Variants in SIDT2 observed in about 807,000 individuals in gnomAD.
The protein encoded by SIDT2 is SID1 transmembrane family member 2.
In SIDT2, 68 loss-of-function variants were observed where a neutral mutation model predicts 114.4. The ratio of observed to expected loss-of-function variants is 0.59; its 90% confidence interval spans 0.49 to 0.73. The LOEUF is 0.73. Ranked by LOEUF, SIDT2 falls within the 30% of genes least tolerant of loss-of-function variation. The pLI is 0.00. For synonymous variants in SIDT2, 470 were observed against 438.4 expected, an observed-to-expected ratio of 1.07 and a Z score of -0.90; for missense variants, 918 against 1,097.1, an observed-to-expected ratio of 0.84 and a Z score of 2.31.
At position 117,188,996 on chromosome 11, in the gene SIDT2, C is replaced by T. The variant is rs2030603414; in HGVS notation, c.1278+170C>T. ...TAACCTGACCTCCAACCCCTTCCGGCCTGATTGGCCAAACCCTCTTGGTCT... is the reference window on the plus strand; with the variant it reads ...TAACCTGACCTCCAACCCCTTCCGGTCTGATTGGCCAAACCCTCTTGGTCT... On this transcript the variant is annotated intron_variant, in intron 13 of 25. Transcript: ENST00000324225. This position sits in a 1 kb window ranked among gnomAD's most constrained non-coding sequence, Gnocchi z 4.0. The T allele has an allele frequency of 1.0e-6, 1 of 954,456 alleles. No homozygotes were observed. Among genetic ancestry groups the T allele is most frequent in the Admixed American group, 1.9e-5 (1 of 52,928 alleles). The allele number at this position is 954,456 out of a possible 1,614,324, so 59.1% of individuals were successfully genotyped here. A position where few individuals can be genotyped will look rare whatever the true frequency, so the allele number is the denominator to read the frequency against.
rs762616736 is a variant in SIDT2, at chr11:117,181,893, A to C, written c.392A>C (p.Tyr131Ser). Residue 131 changes from tyrosine (Y) to serine (S), a missense_variant, in exon 3 of 26, where the codon TAC becomes TCC. Coordinates refer to ENST00000324225, the MANE Select transcript of SIDT2 (RefSeq NM_001040455.2). ...AATGAGTCGGAGATTCAGTTCTTCTACGTGGATGTGTCCACCCTGTCACCA... is the reference window on the plus strand; with the variant it reads ...AATGAGTCGGAGATTCAGTTCTTCTCCGTGGATGTGTCCACCCTGTCACCA... ...TKNESEIQFF[Y>S]VDVSTLSPVN... The C allele has an allele frequency of 2.5e-6, 4 of 1,614,150 alleles. No homozygotes were observed. Among genetic ancestry groups the C allele is most frequent in the Non-Finnish European group, 3.4e-6 (4 of 1,180,024 alleles).
At chr11:117,185,961 GTA>G in intron 8 of SIDT2, 167 bp from the exon 9 acceptor site, 1 of 570,870 alleles carries the variant, frequency 1.8e-6, no homozygotes, top group Non-Finnish European at 3.2e-6. Context: ...AGAGTTTGGT[GTA>G]TTAGAGGAAC....
rs1467640783 is a variant in SIDT2, at chr11:117,187,670, G to C, written c.1130G>C (p.Gly377Ala). The C allele has an allele frequency of 6.2e-7, 1 of 1,613,924 alleles. No individual in the cohort carries two copies. Among genetic ancestry groups the C allele is most frequent in the African/African-American group, 1.3e-5 (1 of 74,874 alleles). Residue 377 changes from glycine to alanine, a missense_variant, in exon 12 of 26, where the codon GGC becomes GCC. This residue lies in a region of SIDT2 where 553 missense variants were observed against 600.1 expected (regional missense o/e 0.92). Coordinates refer to ENST00000324225, the MANE Select transcript of SIDT2 (RefSeq NM_001040455.2). ...ACCGATGGTCTGGTTGACAGCGCTG[G>C]CACTGGGGACCTCTCTTACGGTTAC... ...GSTDGLVDSAGTGDLSYGYQG... is the reference protein window; with the variant it reads ...GSTDGLVDSAATGDLSYGYQG...
At position 117,196,406 on chromosome 11, in the gene SIDT2, C is replaced by A; in HGVS notation, c.*340C>A. On this transcript the variant is annotated 3_prime_UTR_variant, in exon 26 of 26. Transcript: ENST00000324225. The surrounding 1 kb of genome is among the most constrained non-coding windows in gnomAD (Gnocchi z 4.9). Reference sequence around the variant, plus strand: ...AGGAAGGATGGAAGGGACACCCTCCCCATTTCATGCCTTGCATTTTGCCCG... The same window carrying A: ...AGGAAGGATGGAAGGGACACCCTCCACATTTCATGCCTTGCATTTTGCCCG... 6.0e-6 allele frequency: 2 copies of A among 330,584 alleles called. No individual in the cohort carries two copies. The highest frequency in any genetic ancestry group is 3.6e-5 in the South Asian group (1 of 27,446). 20.5% of individuals were successfully genotyped at this position (330,584 alleles called of 1,614,324 possible).
intron 1 of SIDT2, among the ~76,000 whole-genome samples, chr11:117,180,531 C>CTT (rs35242634): frequency 0.014 from 1,147 of 82,348 alleles, 23 homozygotes; most frequent in African/African-American, 0.034. Context: ...ATCACTTTAT[C>CTT]TTTTTTTTTT....
At position 117,196,143 on chromosome 11, in the gene SIDT2, G is replaced by A; in HGVS notation, c.*77G>A. ...CATAGACCGGTCACTCTGTCGTGCT[G>A]TGGGGATGAGTCCCAGCACCGCTGC... On this transcript the variant is annotated 3_prime_UTR_variant, in exon 26 of 26. Transcript: ENST00000324225. This position sits in a 1 kb window ranked among gnomAD's most constrained non-coding sequence, Gnocchi z 4.9. 1.9e-6 allele frequency: 3 copies of A among 1,586,224 alleles called. No individual in the cohort carries two copies. Among genetic ancestry groups the A allele is most frequent in the Non-Finnish European group, 2.6e-6 (3 of 1,160,106 alleles).
intron 4 of SIDT2, 166 bp downstream of exon 4, chr11:117,182,271 A>G (rs754466324): frequency 8.5e-5 from 70 of 821,122 alleles, no homozygotes; most frequent in Non-Finnish European, 1.3e-4. Context: ...GACAGACAGC[A>G]TGGGACTGTA....
chr11:117,181,048 C>T (rs1007997436), intron 1 of SIDT2, among the ~76,000 whole-genome samples: 23 of 152,154 alleles, frequency 1.5e-4, no homozygotes, highest in Non-Finnish European at 1.2e-4. Context: ...CCTGTGTCTT[C>T]GTGTGTGGGG....
At chr11:117,184,776 A>G (rs1179116054) in intron 8 of SIDT2, among the ~76,000 whole-genome samples, 5 of 152,112 alleles carry the variant, frequency 3.3e-5, no homozygotes, top group African/African-American at 1.2e-4. Context: ...CCCAGGCTGT[A>G]ATGCAGTGGC....
Position 117,193,124 on chromosome 11 carries a change from G to T in SIDT2, c.2106-29G>T, listed in dbSNP as rs373805157. On this transcript the variant is annotated intron_variant, in intron 22 of 25. Coordinates refer to ENST00000324225, the MANE Select transcript of SIDT2 (RefSeq NM_001040455.2). ...GCACTTCCTTGCCCTTGGGCTTCCT[G>T]CTTCACCACCCTTCATCCCTCTTGC... 6 of 1,610,528 alleles carry T rather than the reference G, an allele frequency of 3.7e-6. No individual in the cohort carries two copies. In the African/African-American group the frequency reaches 8.0e-5, roughly 22 times the overall value.
intron 2 of SIDT2, 64 bp downstream of exon 2, chr11:117,181,601 A>T: frequency 6.2e-7 from 1 of 1,606,446 alleles, no homozygotes; most frequent in African/African-American, 1.3e-5. Flanking sequence ...TGGAGCCTCA[A>T]CCAGGAGCCC....
At chr11:117,189,066 A>G (rs991969401) in intron 13 of SIDT2, 103 bp from the exon 14 acceptor site, 2 of 1,242,022 alleles carry the variant, frequency 1.6e-6, no homozygotes, top group African/African-American at 3.0e-5. Context: ...GCCCCCCTGA[A>G]TTCGGCCCTG....
chr11:117,191,814 C>T, intron 18 of SIDT2, 64 bp from the exon 19 acceptor site: 1 of 1,586,722 alleles, frequency 6.3e-7, no homozygotes, highest in Non-Finnish European at 8.6e-7. Context: ...TTGTTGGGGC[C>T]AGGAGTTCTC....
At chr11:117,183,722 T>C in intron 6 of SIDT2, 57 bp from the exon 7 acceptor site, 2 of 1,206,332 alleles carry the variant, frequency 1.7e-6, no homozygotes, top group Non-Finnish European at 2.5e-6. Context: ...AACAAGTATT[T>C]AGAAAAGAAT....
rs1031352447 is a variant in SIDT2 at position 117,192,149 on chromosome 11, C to T, written c.1873-105C>T. The T allele has an allele frequency of 3.9e-6, 6 of 1,521,820 alleles. No individual in the cohort carries two copies. In the African/African-American group the frequency reaches 8.2e-5, roughly 21 times the overall value. 94.3% of individuals were successfully genotyped at this position (1,521,820 alleles called of 1,614,324 possible). ...TTCCCTGAGATGCCTTCCTGGGCCC[C>T]TCTCAGAGTCCCAGCCTGGCTGAGC... On this transcript the variant is annotated intron_variant, in intron 19 of 25. Transcript: ENST00000324225. This position sits in a 1 kb window ranked among gnomAD's most constrained non-coding sequence, Gnocchi z 5.9.
Position 117,184,054 on chromosome 11 carries a change from CTT to C in SIDT2, c.803-18_803-17del. ...CAAGCTCCAGGCAACTAGTTTACCACTTTGACATTTTACTTCCAGATGAACCG... is the reference window on the plus strand; with the variant it reads ...CAAGCTCCAGGCAACTAGTTTACCACTGACATTTTACTTCCAGATGAACCG... On this transcript the variant is annotated intron_variant, in intron 7 of 25. Transcript: ENST00000324225. 1 of 1,614,082 alleles carries C rather than the reference CTT, an allele frequency of 6.2e-7. No individual in the cohort carries two copies. The highest frequency in any genetic ancestry group is 8.5e-7 in the Non-Finnish European group (1 of 1,179,980).
At position 117,189,076 on chromosome 11, in the gene SIDT2, G is replaced by A; in HGVS notation, c.1279-93G>A. 8 of 1,338,588 alleles carry A rather than the reference G, an allele frequency of 6.0e-6. No individual in the cohort carries two copies. The South Asian group carries it at 9.4e-5, about 16-fold the overall frequency. The allele number at this position is 1,338,588 out of a possible 1,614,324, so 82.9% of individuals were successfully genotyped here. A position where few individuals can be genotyped will look rare whatever the true frequency, so the allele number is the denominator to read the frequency against. ...ACCCTGCCCCCCTGAATTCGGCCCT[G>A]TGTGAGGGAGGCCCCTCTTGTCCAC... On this transcript the variant is annotated intron_variant, in intron 13 of 25. Coordinates refer to ENST00000324225, the MANE Select transcript of SIDT2 (RefSeq NM_001040455.2).
chr11:117,193,392 C>T (rs371622364), intron 23 of SIDT2, 134 bp downstream of exon 23: 29 of 805,860 alleles, frequency 3.6e-5, no homozygotes, highest in African/African-American at 2.1e-4. Context: ...GAGGCTAAAG[C>T]CTCTTGCATG....
intron 18 of SIDT2, chr11:117,191,609 T>G: frequency 2.2e-6 from 1 of 456,232 alleles, no homozygotes; most frequent in South Asian, 3.3e-5. Flanking sequence ...GAGTCCCTGA[T>G]CTCAGGGTGC....
Sources: allele counts gnomAD v4.1 joint callset (sites outside exome capture counted in the v4.1 genomes callset), GRCh38; gene constraint gnomAD v4.1.1; regional missense constraint gnomAD v4.1.1; non-coding constraint Gnocchi (gnomAD v3.1); transcripts MANE v1.5; gene names NCBI Gene and HGNC (gene_info 2026-07-23, HGNC 2026-07-21).